FSTL4: variants seen among roughly 807,000 people sequenced by gnomAD.
FSTL4 encodes the protein follistatin like 4, also known as follistatin-related protein 4.
In FSTL4, 28 loss-of-function variants were observed where a neutral mutation model predicts 78.2. The observed-to-expected ratio is 0.36, with a 90% confidence interval of 0.27 to 0.49. The LOEUF (loss-of-function observed/expected upper bound fraction) is 0.49, where lower values mean the gene tolerates loss of function less well. Ranked by LOEUF, FSTL4 falls within the 20% of genes least tolerant of loss-of-function variation. The probability of loss-of-function intolerance (pLI) is 0.98; values close to 1 mark genes in which losing one functional copy is unlikely to be tolerated. For synonymous variants in FSTL4, 422 were observed against 440.5 expected (o/e 0.96, Z 0.53); for missense variants, 922 against 1,084.9 (o/e 0.85, Z 2.11).
chr5:133,507,335 G>A (rs1758629677), intron 3 of FSTL4, among the ~76,000 whole-genome samples: 1 of 152,112 alleles, frequency 6.6e-6, no homozygotes, highest in Non-Finnish European at 1.5e-5. Context: ...CCCCAAGCAG[G>A]CTGAAAGTGT....
chr5:133,455,837 C>G (rs536062539), intron 3 of FSTL4, among the ~76,000 whole-genome samples: 34 of 152,350 alleles, frequency 2.2e-4, no homozygotes, highest in Non-Finnish European at 3.8e-4. Flanking sequence ...AGGACATGGA[C>G]TTCTGCAAAC....
At chr5:133,597,680 G>A (rs999510855) in intron 2 of FSTL4, among the ~76,000 whole-genome samples, 10 of 152,306 alleles carry the variant, frequency 6.6e-5, no homozygotes, top group African/African-American at 2.4e-4. Context: ...TGGAAGGGCT[G>A]GCTGGGAGCA....
At chr5:133,434,482 TG>T (rs1174127473) in intron 3 of FSTL4, among the ~76,000 whole-genome samples, 1 of 152,208 alleles carries the variant, frequency 6.6e-6, no homozygotes, top group Non-Finnish European at 1.5e-5. Flanking sequence ...TCTCATCATA[TG>T]GGGCACACCA....
chr5:133,247,373 CT>C (rs753443492), intron 7 of FSTL4: 1 of 152,254 alleles, frequency 6.6e-6, no homozygotes. Flanking sequence ...ATTTAATTAA[CT>C]GATGGCAAGT....
At chr5:133,385,145 C>A (rs1315891934) in intron 4 of FSTL4, among the ~76,000 whole-genome samples, 1 of 152,360 alleles carries the variant, frequency 6.6e-6, no homozygotes, top group East Asian at 1.9e-4. Context: ...TCCTCTTGGA[C>A]CCCCGCCACC....
chr5:133,723,677 C>T, the FSTL4 span, among the ~76,000 whole-genome samples: 1 of 152,156 alleles, frequency 6.6e-6, no homozygotes, highest in Non-Finnish European at 1.5e-5. Context: ...GCTCTGATTC[C>T]CTGAGAAACA....
chr5:133,659,240 C>T, the FSTL4 span, among the ~76,000 whole-genome samples: 1 of 152,086 alleles, frequency 6.6e-6, no homozygotes, highest in African/African-American at 2.4e-5. Flanking sequence ...CCCACCCCAG[C>T]TCTGTCAGTT....
intron 4 of FSTL4, among the ~76,000 whole-genome samples, chr5:133,362,993 C>T (rs1755103431): frequency 6.6e-6 from 1 of 152,016 alleles, no homozygotes; most frequent in Admixed American, 6.5e-5. Context: ...CTCCTGTCTC[C>T]TATAGCTGTC....
the FSTL4 span, among the ~76,000 whole-genome samples, chr5:133,833,045 G>C: frequency 6.2e-4 from 95 of 152,146 alleles, no homozygotes; most frequent in Non-Finnish European, 1.1e-3. Context: ...ATTTGGTCTC[G>C]AGGCCATAAT....
chr5:133,402,743 G>T (rs1035816200), intron 3 of FSTL4, among the ~76,000 whole-genome samples: 1 of 152,196 alleles, frequency 6.6e-6, no homozygotes, highest in Non-Finnish European at 1.5e-5. Flanking sequence ...GGCAAACTAA[G>T]AAGTATTGAC....
At chr5:133,441,274 C>G (rs1757154783) in intron 3 of FSTL4, among the ~76,000 whole-genome samples, 1 of 152,122 alleles carries the variant, frequency 6.6e-6, no homozygotes, top group African/African-American at 2.4e-5. Flanking sequence ...AACTCTTGCT[C>G]ATTGTTGGTT....
chr5:133,224,089 C>A, intron 11 of FSTL4, 101 bp downstream of exon 11: 1 of 882,354 alleles, frequency 1.1e-6, no homozygotes, highest in South Asian at 1.6e-5. Flanking sequence ...CATAGGGCTG[C>A]TTTGTGTGGG....
chr5:133,693,228 C>G, the FSTL4 span, among the ~76,000 whole-genome samples: 1 of 152,184 alleles, frequency 6.6e-6, no homozygotes, highest in Non-Finnish European at 1.5e-5. Context: ...TACACTGACT[C>G]TCTCATAAAC....
At chr5:133,386,031 C>T (rs1294989999) in intron 4 of FSTL4, among the ~76,000 whole-genome samples, 1 of 152,178 alleles carries the variant, frequency 6.6e-6, no homozygotes, top group East Asian at 1.9e-4. Context: ...AGCTCTCCTC[C>T]TCACCGGTTG....
At chr5:133,541,283 G>C (rs760133064) in intron 3 of FSTL4, among the ~76,000 whole-genome samples, 11 of 152,152 alleles carry the variant, frequency 7.2e-5, no homozygotes, top group Non-Finnish European at 1.3e-4. Context: ...AAGCTGTTGG[G>C]GGCTGATGTG....
the FSTL4 span, among the ~76,000 whole-genome samples, chr5:133,705,857 G>T: frequency 1.5e-5 from 2 of 130,588 alleles, no homozygotes; most frequent in Non-Finnish European, 3.3e-5. Flanking sequence ...ACACACGCGC[G>T]CACACACACA....
chr5:133,771,625 AT>A, the FSTL4 span, among the ~76,000 whole-genome samples: 22 of 151,306 alleles, frequency 1.5e-4, no homozygotes, highest in African/African-American at 4.8e-4. Context: ...AAACCTAAGG[AT>A]TTTTTTTTGT....
intron 3 of FSTL4, among the ~76,000 whole-genome samples, chr5:133,504,957 CATT>C (rs1460500370): frequency 6.6e-6 from 1 of 152,166 alleles, no homozygotes; most frequent in Non-Finnish European, 1.5e-5. Context: ...AGAGACTGGT[CATT>C]GTTGTATTTT....
At chr5:133,207,044 TACA>T (rs1431747633) in intron 14 of FSTL4, among the ~76,000 whole-genome samples, 1 of 152,212 alleles carries the variant, frequency 6.6e-6, no homozygotes, top group Non-Finnish European at 1.5e-5. Flanking sequence ...AAATATAGCC[TACA>T]ACATCTACTT....
Sources: allele counts gnomAD v4.1 joint callset (sites outside exome capture counted in the v4.1 genomes callset), GRCh38; gene constraint gnomAD v4.1.1; transcripts MANE v1.5; gene names NCBI Gene and HGNC (gene_info 2026-07-23, HGNC 2026-07-21).